PDZRN4: variants seen among roughly 807,000 people sequenced by gnomAD.
The protein encoded by PDZRN4 is PDZ domain-containing RING finger protein 4.
In PDZRN4, 70 loss-of-function variants were observed where a neutral mutation model predicts 99.0. The ratio of observed to expected loss-of-function variants is 0.71; its 90% CI spans 0.58 to 0.86. PDZRN4 has a LOEUF of 0.86. Among genes scored for constraint, PDZRN4 ranks in the 40% least tolerant of loss-of-function variants. PDZRN4 has a pLI of 0.00. For missense variants in PDZRN4, 1,474 were observed against 1,331.2 expected (o/e 1.11, Z -1.67); for synonymous variants, 551 against 501.6 (o/e 1.10, Z -1.32).
intron 5 of PDZRN4, among the ~76,000 whole-genome samples, chr12:41,514,487 T>C (rs1423932378): frequency 6.6e-6 from 1 of 152,178 alleles, no homozygotes; most frequent in East Asian, 1.9e-4. Flanking sequence ...AACTTCATGA[T>C]TTGTGAAGCC....
chr12:41,225,057 A>G (rs1950983839), intron 3 of PDZRN4, among the ~76,000 whole-genome samples: 2 of 152,190 alleles, frequency 1.3e-5, no homozygotes, highest in Admixed American at 1.3e-4. Context: ...CATTATAACT[A>G]TATACAGTTC....
intron 3 of PDZRN4, among the ~76,000 whole-genome samples, chr12:41,375,003 G>A (rs886471082): frequency 6.6e-6 from 1 of 151,952 alleles, no homozygotes; most frequent in Admixed American, 6.6e-5. Flanking sequence ...CACTTGCTCT[G>A]GCAGAAGCTA....
intron 3 of PDZRN4, among the ~76,000 whole-genome samples, chr12:41,304,685 G>T (rs899337786): frequency 6.6e-6 from 1 of 152,144 alleles, no homozygotes; most frequent in Non-Finnish European, 1.5e-5. Flanking sequence ...AAATGAATAG[G>T]ATATGGTTCC....
chr12:41,398,992 G>A (rs1309094938), intron 3 of PDZRN4, among the ~76,000 whole-genome samples: 8 of 152,120 alleles, frequency 5.3e-5, no homozygotes, highest in African/African-American at 1.9e-4. Context: ...TGTAAAACAA[G>A]CACTTGCAAA....
chr12:41,452,969 G>C (rs1221256097), intron 3 of PDZRN4, among the ~76,000 whole-genome samples: 1 of 152,132 alleles, frequency 6.6e-6, no homozygotes, highest in Non-Finnish European at 1.5e-5. Context: ...AAGGTAGTCG[G>C]ACTGGGCAGA....
chr12:41,474,185 A>G (rs1019446330), intron 3 of PDZRN4, among the ~76,000 whole-genome samples: 1 of 152,212 alleles, frequency 6.6e-6, no homozygotes, highest in Non-Finnish European at 1.5e-5. Flanking sequence ...ATCACAACCA[A>G]TAATAGCCAC....
chr12:41,567,796 G>C lies in PDZRN4; in HGVS notation c.1481G>C (p.Trp494Ser). 1 of 1,610,870 alleles carries C rather than the reference G, an allele frequency of 6.2e-7. No individual in the cohort carries two copies. The highest frequency in any genetic ancestry group is 8.5e-7 in the Non-Finnish European group (1 of 1,177,618). ...ARPEIQLDEG[W>S]LEDERNEFLE... ...ATTCTTTTGCAGCTGGATGAAGGCT[G>C]GCTGGAAGATGAAAGGAATGAATTC... Residue 494 changes from tryptophan to serine, a missense_variant, in exon 9 of 10, where the codon TGG (tryptophan) becomes TCG (serine). Coordinates refer to ENST00000402685, the MANE Select transcript of PDZRN4 (RefSeq NM_001164595.2).
Position 41,480,043 on chromosome 12 carries a change from C to T in PDZRN4, c.844-26413C>T, listed in dbSNP as rs116406475. On this transcript the variant is annotated intron_variant, in intron 3 of 9. Coordinates refer to ENST00000402685, the MANE Select transcript of PDZRN4 (RefSeq NM_001164595.2). The stretch of plus-strand genomic sequence containing the variant: ...GCATATTTTAAGTCTGTATAATGCT[C>T]ATGAAATATTGGTGTAGAATTCTTC... Among the ~76,000 whole-genome samples, 436 of 152,256 alleles carry T rather than the reference C, an allele frequency of 2.9e-3. 3 individuals carry two copies. The highest frequency in any genetic ancestry group is 9.7e-3 in the African/African-American group (401 of 41,540).
At chr12:41,518,004 T>C in intron 5 of PDZRN4, among the ~76,000 whole-genome samples, 1 of 152,110 alleles carries the variant, frequency 6.6e-6, no homozygotes, top group East Asian at 1.9e-4. Flanking sequence ...AATTACTTTA[T>C]TTACATATAA....
chr12:41,358,538 T>C (rs934281284), intron 3 of PDZRN4, among the ~76,000 whole-genome samples: 1 of 151,964 alleles, frequency 6.6e-6, no homozygotes, highest in Non-Finnish European at 1.5e-5. Context: ...AAAAAGTTGA[T>C]TTGCCCAATG....
intron 3 of PDZRN4, among the ~76,000 whole-genome samples, chr12:41,420,850 T>C (rs1172289744): frequency 6.6e-6 from 1 of 152,182 alleles, no homozygotes; most frequent in Non-Finnish European, 1.5e-5. Flanking sequence ...GACATCTCTA[T>C]TCAAAATTTC....
intron 3 of PDZRN4, among the ~76,000 whole-genome samples, chr12:41,321,700 T>C (rs762945841): frequency 6.6e-6 from 1 of 152,178 alleles, no homozygotes; most frequent in Admixed American, 6.5e-5. Context: ...TCACTGTTTT[T>C]TAAATAAATA....
intron 3 of PDZRN4, among the ~76,000 whole-genome samples, chr12:41,281,332 G>T (rs1412472834): frequency 6.7e-6 from 1 of 149,428 alleles, no homozygotes; most frequent in East Asian, 2.0e-4. Context: ...ACAACTCCTC[G>T]CCAGCAAGGG....
At chr12:41,295,693 G>A (rs553454018) in intron 3 of PDZRN4, among the ~76,000 whole-genome samples, 1 of 152,260 alleles carries the variant, frequency 6.6e-6, no homozygotes, top group South Asian at 2.1e-4. Context: ...TAACATGTCT[G>A]AACAGGATCT....
intron 3 of PDZRN4, among the ~76,000 whole-genome samples, chr12:41,300,296 A>G (rs940500710): frequency 2.0e-5 from 3 of 151,934 alleles, no homozygotes; most frequent in Non-Finnish European, 2.9e-5. Flanking sequence ...CAAATGTACT[A>G]TGTCAGTAAG....
intron 3 of PDZRN4, among the ~76,000 whole-genome samples, chr12:41,454,619 T>C (rs535024043): frequency 1.3e-5 from 2 of 152,302 alleles, no homozygotes; most frequent in South Asian, 4.1e-4. Context: ...ATTCTTCCGG[T>C]GTGACACTGG....
chr12:41,467,117 C>T (rs914909099), intron 3 of PDZRN4, among the ~76,000 whole-genome samples: 1 of 152,236 alleles, frequency 6.6e-6, no homozygotes, highest in African/African-American at 2.4e-5. Context: ...AGCTTCGCTC[C>T]TGATGGGATC....
At chr12:41,479,137 C>T (rs2120593103) in intron 3 of PDZRN4, among the ~76,000 whole-genome samples, 1 of 152,108 alleles carries the variant, frequency 6.6e-6, no homozygotes, top group Non-Finnish European at 1.5e-5. Context: ...TGACTTTTAC[C>T]AATGACATAT....
intron 3 of PDZRN4, among the ~76,000 whole-genome samples, chr12:41,329,254 C>T (rs979247646): frequency 1.3e-5 from 2 of 152,102 alleles, no homozygotes; most frequent in Non-Finnish European, 2.9e-5. Flanking sequence ...CACACCCATT[C>T]TCCTAAAGTA....
Sources: gnomAD v4.1 joint callset for allele counts (sites outside exome capture counted in the v4.1 genomes callset) on GRCh38, gnomAD v4.1.1 for gene constraint, MANE v1.5 for transcripts, NCBI Gene and HGNC (gene_info 2026-07-23, HGNC 2026-07-21) for gene names.